Variants in GDPD5 observed in about 807,000 individuals in gnomAD.
GDPD5 encodes glycerophosphodiester phosphodiesterase 2.
In GDPD5, 48 loss-of-function variants were observed where a neutral mutation model predicts 75.1. The observed-to-expected ratio is 0.64, with a 90% CI of 0.51 to 0.81. The LOEUF (loss-of-function observed/expected upper bound fraction) is 0.81. Ranked by LOEUF, GDPD5 falls within the 40% of genes least tolerant of loss-of-function variation. GDPD5 has a pLI of 0.00. For missense variants in GDPD5, 706 were observed against 822.6 expected (o/e 0.86, Z 1.73); for synonymous variants, 336 against 339.0 (o/e 0.99, Z 0.10).
intron 1 of GDPD5, among the ~76,000 whole-genome samples, chr11:75,524,784 G>A (rs886605872): frequency 6.6e-6 from 1 of 152,056 alleles, no homozygotes; most frequent in Admixed American, 6.5e-5. Flanking sequence ...CTTTCCTCGC[G>A]GGTGACATGG....
At chr11:75,502,506 A>T (rs1565216281) in intron 1 of GDPD5, among the ~76,000 whole-genome samples, 1 of 152,214 alleles carries the variant, frequency 6.6e-6, no homozygotes, top group East Asian at 1.9e-4. Context: ...GTGTTTACTC[A>T]TCTAACTCTC....
At position 75,460,312 on chromosome 11, in the gene GDPD5, T is replaced by C. The variant is rs1793413; in HGVS notation, c.221+2474A>G. ...ATTATTCCCAGAGATTCTTTTTTTT[T>C]TGAGACAGAGTCTCACTCTGTTGCC... On this transcript the variant is annotated intron_variant, in intron 4 of 16. Coordinates refer to ENST00000336898, the MANE Select transcript of GDPD5 (RefSeq NM_030792.8). 5.9e-5 allele frequency among the ~76,000 whole-genome samples: 9 copies of C among 152,222 alleles called. No homozygotes were observed. In the East Asian group the frequency reaches 1.5e-3, roughly 26 times the overall value.
intron 1 of GDPD5, among the ~76,000 whole-genome samples, chr11:75,521,652 T>C (rs1385871143): frequency 2.6e-5 from 4 of 152,240 alleles, no homozygotes; most frequent in Non-Finnish European, 4.4e-5. Context: ...TTACTATTAC[T>C]GCTGAATGTT....
chr11:75,460,391 C>A (rs1351251096), intron 4 of GDPD5, among the ~76,000 whole-genome samples: 1 of 152,046 alleles, frequency 6.6e-6, no homozygotes, highest in Non-Finnish European at 1.5e-5. Flanking sequence ...CAGGAAGCAA[C>A]CCTCATGTTT....
At chr11:75,464,093 T>C (rs927033697) in intron 3 of GDPD5, among the ~76,000 whole-genome samples, 3 of 152,166 alleles carry the variant, frequency 2.0e-5, no homozygotes, top group Non-Finnish European at 4.4e-5. Context: ...TCCACTCTAC[T>C]AGTACTTTAT....
At chr11:75,483,291 C>G (rs1949957547) in intron 2 of GDPD5, among the ~76,000 whole-genome samples, 1 of 152,210 alleles carries the variant, frequency 6.6e-6, no homozygotes, top group South Asian at 2.1e-4. Context: ...TGGCCCCTAC[C>G]CTGTACTTGC....
chr11:75,481,454 G>A (rs1200680030), intron 2 of GDPD5, among the ~76,000 whole-genome samples: 2 of 152,166 alleles, frequency 1.3e-5, no homozygotes, highest in Non-Finnish European at 1.5e-5. Context: ...CCTCTGTTCC[G>A]GGGAGCCCTG....
chr11:75,473,817 C>A lies in GDPD5; in HGVS notation c.117+3802G>T, dbSNP rs543501945. On this transcript the variant is annotated intron_variant, in intron 3 of 16. Transcript: ENST00000336898. ...ACTTCCCTGGTCTGTGGAGATGGGGCCGATACTCCCAGAGGCCAGCTCGGG... is the reference window on the plus strand; with the variant it reads ...ACTTCCCTGGTCTGTGGAGATGGGGACGATACTCCCAGAGGCCAGCTCGGG... Among the ~76,000 whole-genome samples the A allele has an allele frequency of 5.3e-5, 8 of 152,288 alleles. No individual in the cohort carries two copies. In the South Asian group the frequency reaches 1.7e-3, roughly 32 times the overall value.
At chr11:75,496,923 G>A (rs1950221780) in intron 1 of GDPD5, among the ~76,000 whole-genome samples, 1 of 151,356 alleles carries the variant, frequency 6.6e-6, no homozygotes, top group Admixed American at 6.6e-5. Flanking sequence ...TAGGACTATA[G>A]GTATGTGCTA....
At chr11:75,466,565 CG>C (rs1565197670) in intron 3 of GDPD5, among the ~76,000 whole-genome samples, 3 of 152,294 alleles carry the variant, frequency 2.0e-5, no homozygotes, top group African/African-American at 7.2e-5. Context: ...GCCCCGGCCA[CG>C]GCCCTCCTTC....
chr11:75,444,105 C>G (rs1478659112), intron 10 of GDPD5, among the ~76,000 whole-genome samples: 4 of 152,170 alleles, frequency 2.6e-5, no homozygotes, highest in Non-Finnish European at 5.9e-5. Flanking sequence ...TAACTGGAGT[C>G]ACAGTGAATG....
chr11:75,512,002 C>T (rs1419406387), intron 1 of GDPD5, among the ~76,000 whole-genome samples: 1 of 152,174 alleles, frequency 6.6e-6, no homozygotes, highest in African/African-American at 2.4e-5. Flanking sequence ...CCTGTGCCAG[C>T]ATTTGCTGTG....
chr11:75,442,374 G>C lies in GDPD5; in HGVS notation c.1156C>G (p.Pro386Ala), dbSNP rs1384310320. 1 of 1,558,456 alleles carries C rather than the reference G, an allele frequency of 6.4e-7. No individual in the cohort carries two copies. The change falls in exon 12 of 17, where the codon CCC becomes GCC. Residue 386 changes from proline to alanine, a missense_variant. Physicochemically the swap from Pro to Ala is conservative, Grantham distance 27 (BLOSUM62 -1). Transcript: ENST00000336898. ...TTGCAGGGCCTCACCTGGTGCTGGG[G>C]GAAGCCGGAGTGCAGCACGGCCTCC... ...TLEAVLHSGF[P>A]QHQVMWLPSR... is the part of the protein sequence containing the mutation.
At chr11:75,449,354 C>T (rs1949069313) in intron 8 of GDPD5, among the ~76,000 whole-genome samples, 163 bp downstream of exon 8, 1 of 152,170 alleles carries the variant, frequency 6.6e-6, no homozygotes, top group Admixed American at 6.5e-5. Context: ...TGTGACCCTC[C>T]GTGGACTCTG....
chr11:75,474,216 G>A (rs1301267768), intron 3 of GDPD5, among the ~76,000 whole-genome samples: 3 of 152,234 alleles, frequency 2.0e-5, no homozygotes, highest in East Asian at 1.9e-4. Context: ...CTACAGAAGT[G>A]CAAGAATCGG....
intron 15 of GDPD5, chr11:75,439,368 G>C (rs1280133808): frequency 6.6e-6 from 3 of 456,424 alleles, no homozygotes; most frequent in African/African-American, 2.0e-5. Context: ...TGAGATGCCA[G>C]AGTGCAGCAG....
intron 1 of GDPD5, among the ~76,000 whole-genome samples, chr11:75,492,780 T>G (rs12271529): frequency 0.037 from 5,561 of 152,262 alleles, 243 homozygotes; most frequent in African/African-American, 0.1. Flanking sequence ...TTGCCCAGGT[T>G]ATAATGCAGT....
At chr11:75,506,265 T>TC (rs1565218240) in intron 1 of GDPD5, among the ~76,000 whole-genome samples, 1 of 151,580 alleles carries the variant, frequency 6.6e-6, no homozygotes, top group Non-Finnish European at 1.5e-5. Context: ...CAGAAGACAC[T>TC]CCCCCCAGGA....
intron 3 of GDPD5, among the ~76,000 whole-genome samples, chr11:75,473,583 A>T (rs555651391): frequency 1.3e-5 from 2 of 151,916 alleles, no homozygotes; most frequent in East Asian, 3.9e-4. Context: ...CATCCTCCAC[A>T]ATTTGACCAC....
Sources: allele counts gnomAD v4.1 joint callset (sites outside exome capture counted in the v4.1 genomes callset), GRCh38; gene constraint gnomAD v4.1.1; transcripts MANE v1.5; gene names NCBI Gene and HGNC (gene_info 2026-07-23, HGNC 2026-07-21).